Variants in IGFBP7 observed in about 807,000 individuals in gnomAD.
IGFBP7 encodes the protein insulin like growth factor binding protein 7, also known as insulin-like growth factor-binding protein 7.
IGFBP7 carries 31 observed loss-of-function variants against 29.4 expected under a neutral mutation model. That is an observed-to-expected ratio of 1.05 (90% CI 0.79 to 1.42). IGFBP7 has a LOEUF of 1.42. IGFBP7 is among the 40% of genes most tolerant of loss of function. The probability of loss-of-function intolerance (pLI) is 0.00; values close to 1 mark genes in which losing one functional copy is unlikely to be tolerated. For missense variants in IGFBP7, 393 were observed against 395.5 expected (o/e 0.99, Z 0.05); for synonymous variants, 172 against 174.9 (o/e 0.98, Z 0.13).
At chr4:57,061,872 AG>A (rs1724808594) in intron 1 of IGFBP7, among the ~76,000 whole-genome samples, 1 of 152,138 alleles carries the variant, frequency 6.6e-6, no homozygotes, top group East Asian at 1.9e-4. Context: ...CTACGTTGCC[AG>A]GCTGGTCTCA....
At chr4:57,031,614 A>G (rs2109732579) in intron 4 of IGFBP7, among the ~76,000 whole-genome samples, 1 of 152,314 alleles carries the variant, frequency 6.6e-6, no homozygotes, top group East Asian at 1.9e-4. Flanking sequence ...AGATTCAGAG[A>G]GGTTAAAGAC....
chr4:57,080,856 C>T (rs11936912), intron 1 of IGFBP7, among the ~76,000 whole-genome samples: 9,532 of 152,302 alleles, frequency 0.063, 331 homozygotes, highest in African/African-American at 0.092. Context: ...GGATCAGCAC[C>T]ACCAATGAAA....
chr4:57,108,811 T>G (rs1726100629), intron 1 of IGFBP7, among the ~76,000 whole-genome samples: 1 of 152,178 alleles, frequency 6.6e-6, no homozygotes, highest in South Asian at 2.1e-4. Context: ...CCTCCCAAAG[T>G]GCTGGGATTA....
At chr4:57,106,390 C>G (rs1726032720) in intron 1 of IGFBP7, among the ~76,000 whole-genome samples, 1 of 151,950 alleles carries the variant, frequency 6.6e-6, no homozygotes, top group South Asian at 2.1e-4. Flanking sequence ...AAGGAGGGTG[C>G]AATTGTGGTG....
At chr4:57,063,435 A>T (rs1724845205) in intron 1 of IGFBP7, among the ~76,000 whole-genome samples, 1 of 152,212 alleles carries the variant, frequency 6.6e-6, no homozygotes, top group South Asian at 2.1e-4. Flanking sequence ...TGAGCAGGTA[A>T]TCAGCAAACT....
chr4:57,075,602 C>A (rs1159917336), intron 1 of IGFBP7, among the ~76,000 whole-genome samples: 2 of 151,350 alleles, frequency 1.3e-5, no homozygotes, highest in African/African-American at 4.9e-5. Context: ...TGCAAGGTAA[C>A]CATAAAACCA....
At position 57,033,303 on chromosome 4, in the gene IGFBP7, C is replaced by A; in HGVS notation, c.594G>T (p.Arg198Ser). 6.2e-7 allele frequency: 1 copy of A among 1,611,282 alleles called. No homozygotes were observed. ...TPVLIWNKVK[R>S]GHYGVQRTEL... ...CTGTCCTTTGAACTCCATAGTGACC[C>A]CTTTTTACCTGCAAAAACAAAAGGA... The change falls in exon 3 of 5, where the codon AGG becomes AGT. Residue 198 changes from arginine to serine, a missense_variant. Transcript: ENST00000295666.
At chr4:57,034,642 C>T (rs1196471829) in intron 2 of IGFBP7, among the ~76,000 whole-genome samples, 1 of 152,120 alleles carries the variant, frequency 6.6e-6, no homozygotes, top group Non-Finnish European at 1.5e-5. Flanking sequence ...CCCACTCCTA[C>T]CATGTGTTTT....
At chr4:57,094,623 T>G (rs1725719934) in intron 1 of IGFBP7, among the ~76,000 whole-genome samples, 1 of 152,208 alleles carries the variant, frequency 6.6e-6, no homozygotes, top group South Asian at 2.1e-4. Flanking sequence ...TTAAACTGCA[T>G]CAAGAGTCAT....
At chr4:57,060,448 G>A (rs1724773279) in intron 1 of IGFBP7, among the ~76,000 whole-genome samples, 1 of 152,138 alleles carries the variant, frequency 6.6e-6, no homozygotes, top group African/African-American at 2.4e-5. Context: ...TTTCTTAAGT[G>A]GGTCTTGGTG....
At chr4:57,045,875 G>A (rs952881411) in intron 1 of IGFBP7, among the ~76,000 whole-genome samples, 9 of 151,726 alleles carry the variant, frequency 5.9e-5, no homozygotes, top group East Asian at 3.9e-4. Flanking sequence ...ACAGGTGCTC[G>A]CCACCATGCC....
intron 1 of IGFBP7, among the ~76,000 whole-genome samples, chr4:57,064,460 T>G (rs1724872682): frequency 6.6e-6 from 1 of 152,230 alleles, no homozygotes; most frequent in African/African-American, 2.4e-5. Flanking sequence ...TAAGCCTCAG[T>G]TATACAAAGA....
At chr4:57,082,806 AT>A (rs1015451023) in intron 1 of IGFBP7, among the ~76,000 whole-genome samples, 1 of 152,048 alleles carries the variant, frequency 6.6e-6, no homozygotes, top group East Asian at 1.9e-4. Context: ...GCTGCTTTAA[AT>A]TTTTTTTAAA....
chr4:57,069,453 G>T lies in IGFBP7; in HGVS notation c.476-28520C>A, dbSNP rs143088143. On this transcript the variant is annotated intron_variant, in intron 1 of 4. Transcript: ENST00000295666. ...AAATAAAACAAAAAATAAAAAATTA[G>T]CCAGGTCTGGTGGCTGTCCAGCCTG... Among the ~76,000 whole-genome samples the T allele has an allele frequency of 1.9e-3, 291 of 152,262 alleles. 2 individuals carry two copies. The highest frequency in any genetic ancestry group is 6.5e-3 in the African/African-American group (269 of 41,554).
intron 1 of IGFBP7, among the ~76,000 whole-genome samples, chr4:57,098,732 A>G (rs1193069600): frequency 2.6e-5 from 4 of 152,230 alleles, no homozygotes; most frequent in Non-Finnish European, 4.4e-5. Flanking sequence ...TCTCACTCAG[A>G]GAGCACTGCT....
intron 2 of IGFBP7, among the ~76,000 whole-genome samples, chr4:57,038,864 C>T (rs1027269382): frequency 6.6e-6 from 1 of 151,880 alleles, no homozygotes; most frequent in Non-Finnish European, 1.5e-5. Flanking sequence ...GTCGGGAGTT[C>T]GAGACCAGCC....
chr4:57,046,422 C>A (rs1486660473), intron 1 of IGFBP7, among the ~76,000 whole-genome samples: 2 of 152,116 alleles, frequency 1.3e-5, no homozygotes, highest in Non-Finnish European at 2.9e-5. Context: ...AAGGGCAAGG[C>A]AGATCGAGAA....
At chr4:57,100,159 G>A (rs75522131) in intron 1 of IGFBP7, among the ~76,000 whole-genome samples, 14,987 of 143,792 alleles carry the variant, frequency 0.1, 1,052 homozygotes, top group Middle Eastern at 0.2. Context: ...CAGCCTTGAT[G>A]ACTGTGCTAG....
chr4:57,107,421 T>A (rs975097179), intron 1 of IGFBP7, among the ~76,000 whole-genome samples: 1 of 152,246 alleles, frequency 6.6e-6, no homozygotes, highest in African/African-American at 2.4e-5. Context: ...GCATTTCCTA[T>A]TCTGTGCAAA....
Sources: gnomAD v4.1 joint callset for allele counts (sites outside exome capture counted in the v4.1 genomes callset) on GRCh38, gnomAD v4.1.1 for gene constraint, MANE v1.5 for transcripts, NCBI Gene and HGNC (gene_info 2026-07-23, HGNC 2026-07-21) for gene names.